MPP3: variants seen among roughly 807,000 people sequenced by gnomAD.
MPP3 encodes the protein MAGUK p55 subfamily member 3.
Under a neutral mutation model 80.7 loss-of-function variants are expected in MPP3, and 48 were observed. The observed-to-expected ratio is 0.59, with a 90% confidence interval of 0.47 to 0.76. The LOEUF is 0.76. Among genes scored for constraint, MPP3 ranks in the 30% least tolerant of loss-of-function variants. The probability of loss-of-function intolerance (pLI) is 0.00; values close to 1 mark genes in which losing one functional copy is unlikely to be tolerated. For synonymous variants in MPP3, 311 were observed against 297.6 expected, an observed-to-expected ratio of 1.04 and a Z score of -0.46; for missense variants, 620 against 763.0, an observed-to-expected ratio of 0.81 and a Z score of 2.21.
intron 11 of MPP3, 65 bp from the exon 12 acceptor site, chr17:43,818,175 T>TTCTG (rs1424287783): frequency 7.2e-7 from 1 of 1,382,626 alleles, no homozygotes; most frequent in Non-Finnish European, 9.5e-7. Context: ...GAAAGGAACC[T>TTCTG]TCTGGAAAAC....
chr17:43,817,128 C>A (rs1446774949), intron 12 of MPP3, among the ~76,000 whole-genome samples: 2 of 152,176 alleles, frequency 1.3e-5, no homozygotes, highest in African/African-American at 2.4e-5. Context: ...GAGCTGCAGG[C>A]CATCTGTGTT....
Position 43,801,585 on chromosome 17 carries a change from G to GA in MPP3, c.*115dup. On this transcript the variant is annotated 3_prime_UTR_variant, in exon 20 of 20. Coordinates refer to ENST00000398389, the MANE Select transcript of MPP3 (RefSeq NM_001932.6). ...CCCACTTATACTCTTCTCGATGATG[G>GA]AATTTGTGGAGAATTCTCTCCCTCT... The GA allele has an allele frequency of 9.7e-7, 1 of 1,028,284 alleles. No homozygotes were observed. The highest frequency in any genetic ancestry group is 1.5e-6 in the Non-Finnish European group (1 of 685,476). The allele number at this position is 1,028,284 out of a possible 1,614,324, so 63.7% of individuals were successfully genotyped here.
chr17:43,816,561 A>T, intron 13 of MPP3, 116 bp downstream of exon 13: 1 of 959,020 alleles, frequency 1.0e-6, no homozygotes, highest in Non-Finnish European at 1.6e-6. Flanking sequence ...AGAGGTGCGC[A>T]GACAGTGGGA....
chr17:43,806,807 C>T (rs755867922), intron 19 of MPP3, among the ~76,000 whole-genome samples: 2 of 151,890 alleles, frequency 1.3e-5, no homozygotes, highest in African/African-American at 4.8e-5. Context: ...GGGGTTTCAC[C>T]ATGTTGGTCA....
In MPP3 at chr17:43,829,654, C is replaced by T. The variant is rs1384138142; in HGVS notation, c.441G>A (p.Leu147=). 1 of 1,613,730 alleles carries T rather than the reference C, an allele frequency of 6.2e-7. No homozygotes were observed. Among genetic ancestry groups the T allele is most frequent in the South Asian group, 1.1e-5 (1 of 91,070 alleles). ...GAGAGGGGCAGGCAGCAGCACCTACCAGGGGTTCCTTGTTCTTCACCAAGC... is the reference window on the plus strand; with the variant it reads ...GAGAGGGGCAGGCAGCAGCACCTACTAGGGGTTCCTTGTTCTTCACCAAGC... ...IVRLVKNKEP[L]GATIRRDEHS... is the part of the protein sequence containing the mutation. Residue 147 remains leucine, a splice_region_variant and synonymous_variant, in exon 7 of 20, where the codon CTG becomes CTA. Coordinates refer to ENST00000398389, the MANE Select transcript of MPP3 (RefSeq NM_001932.6).
intron 16 of MPP3, among the ~76,000 whole-genome samples, chr17:43,813,300 CCTCA>C (rs1269852065): frequency 2.8e-4 from 43 of 152,172 alleles, no homozygotes; most frequent in African/African-American, 9.9e-4. Context: ...CCTCTCTGAC[CCTCA>C]CTGTCTTCCT....
chr17:43,817,823 AC>A (rs1324836420), intron 12 of MPP3: 6 of 379,250 alleles, frequency 1.6e-5, no homozygotes, highest in East Asian at 5.6e-5. Flanking sequence ...CTGTTAACAT[AC>A]CCCCCAGCAT....
At chr17:43,806,086 TTTTTA>T (rs1414198097) in intron 19 of MPP3, among the ~76,000 whole-genome samples, 124 of 152,338 alleles carry the variant, frequency 8.1e-4, no homozygotes, top group African/African-American at 2.9e-3. Flanking sequence ...GAATCCTGAT[TTTTTA>T]TTTTGATTTA....
intron 18 of MPP3, among the ~76,000 whole-genome samples, chr17:43,809,811 G>A (rs531947110): frequency 7.2e-5 from 11 of 152,184 alleles, no homozygotes; most frequent in African/African-American, 1.9e-4. Flanking sequence ...CCCGGGAGGC[G>A]GAGCTTGCGG....
chr17:43,809,470 G>T (rs1043647074), intron 18 of MPP3, among the ~76,000 whole-genome samples: 11 of 152,256 alleles, frequency 7.2e-5, no homozygotes, highest in Middle Eastern at 3.4e-3. Flanking sequence ...TCATCAATCG[G>T]ACTACATTAT....
rs759039654 is a variant in MPP3, at chr17:43,825,785, T to A, written c.580A>T (p.Lys194Ter). ...ATCTGGCTGATCTCGTCGGGCCGCTTGTGCAGGACTGCGATCCCGTTCACT... is the reference window on the plus strand; with the variant it reads ...ATCTGGCTGATCTCGTCGGGCCGCTAGTGCAGGACTGCGATCCCGTTCACT... The part of the protein sequence containing the change: ...REVNGIAVLH[K>*]RPDEISQILA... The change falls in exon 9 of 20, where the codon AAG becomes TAG. Residue 194 changes from lysine (K) to a stop codon, truncating the protein, a stop_gained. Coordinates refer to ENST00000398389, the MANE Select transcript of MPP3 (RefSeq NM_001932.6). LOFTEE classifies it high-confidence loss of function. 6.2e-7 allele frequency: 1 copy of A among 1,613,556 alleles called. No individual in the cohort carries two copies. Among genetic ancestry groups the A allele is most frequent in the Non-Finnish European group, 8.5e-7 (1 of 1,179,458 alleles).
intron 7 of MPP3, 83 bp from the exon 8 acceptor site, chr17:43,827,915 C>G: frequency 8.0e-7 from 1 of 1,251,696 alleles, no homozygotes; most frequent in Admixed American, 1.7e-5. Flanking sequence ...ACACAGCCTC[C>G]CCAGTCCCTC....
chr17:43,821,585 ACGGCTCAAT>A (rs1463109656), intron 10 of MPP3, among the ~76,000 whole-genome samples: 5 of 152,126 alleles, frequency 3.3e-5, no homozygotes, highest in African/African-American at 9.7e-5. Flanking sequence ...CACAGCTCTT[ACGGCTCAAT>A]CCTGCCTCGT....
chr17:43,807,084 G>A (rs1385981316), intron 19 of MPP3, among the ~76,000 whole-genome samples: 2 of 151,354 alleles, frequency 1.3e-5, no homozygotes, highest in African/African-American at 4.9e-5. Context: ...TGTTTCTCCT[G>A]TCTCAGCCTC....
intron 18 of MPP3, among the ~76,000 whole-genome samples, chr17:43,809,878 CAA>C (rs897318825): frequency 1.4e-5 from 2 of 147,840 alleles, no homozygotes; most frequent in Non-Finnish European, 3.0e-5. Context: ...GAATCTGTCT[CAA>C]AAAAAAAGAA....
intron 17 of MPP3, 35 bp downstream of exon 17, chr17:43,811,077 G>T: frequency 6.3e-7 from 1 of 1,578,018 alleles, no homozygotes; most frequent in Non-Finnish European, 8.7e-7. Flanking sequence ...ACACACAACT[G>T]CCTGGAGGGC....
At position 43,809,058 on chromosome 17, in the gene MPP3, G is replaced by A. The variant is rs767315132; in HGVS notation, c.1479C>T (p.Thr493=). Residue 493 remains threonine, a synonymous_variant, in exon 19 of 20, where the codon ACC becomes ACT. Transcript: ENST00000398389. ...ATATAATATAGGGTTTAAATTCTGA[G>A]GTCCTCAGTTGTTTCAGTGCCTGAG... ...VEPEALKQLR[T]SEFKPYIIFV... The A allele has an allele frequency of 5.7e-6, 9 of 1,591,978 alleles. No homozygotes were observed. Among genetic ancestry groups the A allele is most frequent in the Non-Finnish European group, 8.5e-7 (1 of 1,174,482 alleles).
At position 43,830,132 on chromosome 17, in the gene MPP3, C is replaced by T; in HGVS notation, c.223-25G>A. 3 of 1,502,308 alleles carry T rather than the reference C, an allele frequency of 2.0e-6. No individual in the cohort carries two copies. The Middle Eastern group carries it at 5.4e-4, about 272-fold the overall frequency. 93.1% of individuals were successfully genotyped at this position (1,502,308 alleles called of 1,614,324 possible). On this transcript the variant is annotated intron_variant, in intron 5 of 19. Transcript: ENST00000398389. Reference sequence around the variant, plus strand: ...CCTGCAGAGAATGAGACAGGCGCCACTGATGGCTAGAGGTGCCCCTGCCCC... The same window carrying T: ...CCTGCAGAGAATGAGACAGGCGCCATTGATGGCTAGAGGTGCCCCTGCCCC...
chr17:43,824,370 G>T (rs1180229835), intron 9 of MPP3, among the ~76,000 whole-genome samples: 1 of 152,118 alleles, frequency 6.6e-6, no homozygotes, highest in East Asian at 1.9e-4. Context: ...GCCCCAGAGG[G>T]CTCCCTTCCT....
Sources: gnomAD v4.1 joint callset for allele counts (sites outside exome capture counted in the v4.1 genomes callset) on GRCh38, gnomAD v4.1.1 for gene constraint, MANE v1.5 for transcripts, NCBI Gene and HGNC (gene_info 2026-07-23, HGNC 2026-07-21) for gene names.